Variants in CNTN5 observed in about 807,000 individuals in gnomAD.
CNTN5 encodes the protein contactin 5.
In CNTN5, 77 loss-of-function variants were observed where a neutral mutation model predicts 129.1. The ratio of observed to expected loss-of-function variants is 0.60; its 90% CI spans 0.50 to 0.72. The LOEUF (loss-of-function observed/expected upper bound fraction) is 0.72, where lower values mean the gene tolerates loss of function less well. CNTN5 is among the 30% of genes least tolerant of loss of function. The probability of loss-of-function intolerance (pLI) is 0.00; values close to 1 mark genes in which losing one functional copy is unlikely to be tolerated. For missense variants in CNTN5, 1,478 were observed against 1,328.8 expected (o/e 1.11, Z -1.75); for synonymous variants, 509 against 465.6 (o/e 1.09, Z -1.20).
intron 21 of CNTN5, among the ~76,000 whole-genome samples, chr11:100,322,267 G>GTC (rs1397893363): frequency 6.6e-6 from 1 of 151,654 alleles, no homozygotes; most frequent in Non-Finnish European, 1.5e-5. Context: ...CTGTCGCCCA[G>GTC]GCTGGAGTGC....
intron 2 of CNTN5, among the ~76,000 whole-genome samples, chr11:99,447,850 A>T (rs1431075359): frequency 2.0e-5 from 3 of 152,160 alleles, no homozygotes; most frequent in Non-Finnish European, 2.9e-5. Context: ...GTTTGAACCC[A>T]GGAGGCAGAA....
chr11:100,303,193 C>G (rs955225955), intron 20 of CNTN5, among the ~76,000 whole-genome samples: 1 of 151,334 alleles, frequency 6.6e-6, no homozygotes, highest in Non-Finnish European at 1.5e-5. Flanking sequence ...TCCTTTAAAC[C>G]GAGCAAGGTT....
At chr11:99,539,859 C>A (rs1172493394) in intron 2 of CNTN5, among the ~76,000 whole-genome samples, 2 of 152,014 alleles carry the variant, frequency 1.3e-5, no homozygotes, top group Non-Finnish European at 2.9e-5. Flanking sequence ...ATCTCTAGCC[C>A]CACAGTTTTA....
At chr11:99,946,353 T>C (rs1208717522) in intron 7 of CNTN5, among the ~76,000 whole-genome samples, 1 of 151,984 alleles carries the variant, frequency 6.6e-6, no homozygotes, top group Non-Finnish European at 1.5e-5. Flanking sequence ...ACCTACAAAC[T>C]AGGAACAGAG....
chr11:99,550,021 T>A (rs919335199), intron 2 of CNTN5, among the ~76,000 whole-genome samples: 4 of 152,098 alleles, frequency 2.6e-5, no homozygotes, highest in South Asian at 2.1e-4. Flanking sequence ...CCACGCAGGT[T>A]TTGTTGAGGC....
At chr11:100,331,973 G>T (rs1273497459) in intron 21 of CNTN5, among the ~76,000 whole-genome samples, 1 of 151,528 alleles carries the variant, frequency 6.6e-6, no homozygotes, top group African/African-American at 2.4e-5. Flanking sequence ...CAGAAGAAAA[G>T]AAATAACAAA....
At chr11:99,827,498 C>G (rs1392652502) in intron 4 of CNTN5, among the ~76,000 whole-genome samples, 2 of 152,158 alleles carry the variant, frequency 1.3e-5, no homozygotes, top group Non-Finnish European at 2.9e-5. Flanking sequence ...GAATTCCAAC[C>G]ATGTGGGACT....
chr11:100,244,067 A>C (rs1267717075), intron 16 of CNTN5, among the ~76,000 whole-genome samples: 2 of 152,086 alleles, frequency 1.3e-5, no homozygotes, highest in African/African-American at 2.4e-5. Flanking sequence ...CCAGTTCAAA[A>C]AAAAATGTAC....
chr11:99,771,865 G>A (rs528374609), intron 3 of CNTN5, among the ~76,000 whole-genome samples: 126 of 151,752 alleles, frequency 8.3e-4, no homozygotes, highest in African/African-American at 2.8e-3. Context: ...TTATGTGTTG[G>A]GAAAATTCCT....
intron 1 of CNTN5, among the ~76,000 whole-genome samples, chr11:99,045,615 A>G (rs975002264): frequency 6.6e-6 from 1 of 152,356 alleles, no homozygotes; most frequent in East Asian, 1.9e-4. Flanking sequence ...AATTTTTTGA[A>G]GTATGCTATG....
At chr11:100,217,131 A>G (rs565792945) in intron 15 of CNTN5, among the ~76,000 whole-genome samples, 4 of 152,330 alleles carry the variant, frequency 2.6e-5, no homozygotes, top group African/African-American at 9.6e-5. Flanking sequence ...AACACATCAC[A>G]TTACAGCTGG....
In CNTN5 at chr11:100,137,082, A is replaced by G. The variant is rs768430166; in HGVS notation, c.1581-54044A>G. Among the ~76,000 whole-genome samples, 33 of 152,156 alleles carry G rather than the reference A, an allele frequency of 2.2e-4. 1 individual carries two copies. The highest frequency in any genetic ancestry group is 1.0e-4 in the Non-Finnish European group (7 of 67,914). On this transcript the variant is annotated intron_variant, in intron 13 of 24. Coordinates refer to ENST00000524871, the MANE Select transcript of CNTN5 (RefSeq NM_014361.4). ...ACTCCAGGTATAAATACAGAATTCT[A>G]TGGCATATAAAAGATTTAAGGTAAA...
At chr11:99,447,879 C>T (rs1193270540) in intron 2 of CNTN5, among the ~76,000 whole-genome samples, 2 of 152,018 alleles carry the variant, frequency 1.3e-5, no homozygotes, top group African/African-American at 4.8e-5. Flanking sequence ...AAGCCAAGAT[C>T]GTGCCATTGC....
chr11:99,709,213 C>A (rs964594974), intron 3 of CNTN5, among the ~76,000 whole-genome samples: 2 of 151,872 alleles, frequency 1.3e-5, no homozygotes, highest in African/African-American at 4.8e-5. Flanking sequence ...ATGATGGCAA[C>A]TTTGTTCTTA....
intron 2 of CNTN5, among the ~76,000 whole-genome samples, chr11:99,361,789 ATCATCCGTGT>A (rs147971779): frequency 0.22 from 33,241 of 151,924 alleles, 3,590 homozygotes; most frequent in South Asian, 0.31. Context: ...GTCTTTAAAG[ATCATCCGTGT>A]CATGGCATGC....
intron 9 of CNTN5, among the ~76,000 whole-genome samples, chr11:100,009,913 A>G (rs935586386): frequency 6.6e-6 from 1 of 152,186 alleles, no homozygotes; most frequent in African/African-American, 2.4e-5. Context: ...TGACATTATT[A>G]CATAACATTT....
intron 7 of CNTN5, among the ~76,000 whole-genome samples, chr11:99,946,622 A>G (rs571662146): frequency 4.6e-5 from 7 of 152,244 alleles, no homozygotes; most frequent in Non-Finnish European, 1.0e-4. Flanking sequence ...CTTAGGGAGA[A>G]TCAACAATTT....
Position 99,307,494 on chromosome 11 carries a change from TA to T in CNTN5, c.-209-17850del, listed in dbSNP as rs142510356. 1.9e-3 allele frequency among the ~76,000 whole-genome samples: 296 copies of T among 152,306 alleles called. 7 individuals carry two copies. The East Asian group carries it at 0.044, about 23-fold the overall frequency. ...GAAAACATTCAGCTTTATCTAACTA[TA>T]ATATCTTGGATAATTATATTATACT... On this transcript the variant is annotated intron_variant, in intron 1 of 24. Coordinates refer to ENST00000524871, the MANE Select transcript of CNTN5 (RefSeq NM_014361.4).
At chr11:100,164,125 C>T (rs1249477107) in intron 13 of CNTN5, among the ~76,000 whole-genome samples, 1 of 151,824 alleles carries the variant, frequency 6.6e-6, no homozygotes, top group East Asian at 1.9e-4. Flanking sequence ...TTCATAGATC[C>T]TTATTGAATT....
Sources: gnomAD v4.1 joint callset for allele counts (sites outside exome capture counted in the v4.1 genomes callset) on GRCh38, gnomAD v4.1.1 for gene constraint, MANE v1.5 for transcripts, NCBI Gene and HGNC (gene_info 2026-07-23, HGNC 2026-07-21) for gene names.